Variants in OAF observed in about 807,000 individuals in gnomAD.
OAF encodes out at first homolog, also known as out at first protein homolog.
OAF carries 13 observed loss-of-function variants against 22.5 expected under a neutral mutation model. The ratio of observed to expected loss-of-function variants is 0.58; its 90% CI spans 0.38 to 0.92. OAF has a LOEUF of 0.92. Among genes scored for constraint, OAF ranks in the 40% least tolerant of loss-of-function variants. The pLI is 0.00. For synonymous variants in OAF, 175 were observed against 170.5 expected (o/e 1.03, Z -0.21); for missense variants, 347 against 381.8 (o/e 0.91, Z 0.76).
In OAF at chr11:120,229,372, G is replaced by C; in HGVS notation, c.*230G>C. The C allele has an allele frequency of 2.7e-5, 12 of 451,246 alleles. No individual in the cohort carries two copies. The highest frequency in any genetic ancestry group is 8.6e-5 in the Admixed American group (2 of 23,248). 28.0% of individuals were successfully genotyped at this position (451,246 alleles called of 1,614,324 possible). On this transcript the variant is annotated 3_prime_UTR_variant, in exon 4 of 4. Transcript: ENST00000328965. ...ACCCTGTGCCTTCCTTGCGGGCAGA[G>C]AGGGAGAGAAGGGCTCCCCAGATCT... is the stretch of plus-strand genomic sequence containing the variant.
At position 120,211,154 on chromosome 11, in the gene OAF, C is replaced by T; in HGVS notation, c.-126C>T. The T allele has an allele frequency of 2.6e-6, 1 of 391,316 alleles. No individual in the cohort carries two copies. The highest frequency in any genetic ancestry group is 6.2e-5 in the East Asian group (1 of 16,214). 24.2% of individuals were successfully genotyped at this position (391,316 alleles called of 1,614,324 possible). A position where few individuals can be genotyped will look rare whatever the true frequency, so the allele number is the denominator to read the frequency against. Reference sequence around the variant, plus strand: ...GCCACCTCGCGGGCGACCCCGCGGCCAAGGCCCCCGGCGGAGCGGCTCCCG... The same window carrying T: ...GCCACCTCGCGGGCGACCCCGCGGCTAAGGCCCCCGGCGGAGCGGCTCCCG... On this transcript the variant is annotated 5_prime_UTR_variant, in exon 1 of 4. Coordinates refer to ENST00000328965, the MANE Select transcript of OAF (RefSeq NM_178507.4).
At position 120,211,144 on chromosome 11, in the gene OAF, A is replaced by T. The variant is rs1333133385; in HGVS notation, c.-136A>T. The stretch of plus-strand genomic sequence containing the variant: ...GTGCGTCCGCGCCACCTCGCGGGCG[A>T]CCCCGCGGCCAAGGCCCCCGGCGGA... On this transcript the variant is annotated 5_prime_UTR_variant, in exon 1 of 4. Transcript: ENST00000328965. 4 of 330,760 alleles carry T rather than the reference A, an allele frequency of 1.2e-5. No homozygotes were observed. Among genetic ancestry groups the T allele is most frequent in the African/African-American group, 6.7e-5 (3 of 44,548 alleles). 20.5% of individuals were successfully genotyped at this position (330,760 alleles called of 1,614,324 possible).
Position 120,211,279 on chromosome 11 carries a change from G to A in OAF, c.-1G>A. On this transcript the variant is annotated 5_prime_UTR_variant, in exon 1 of 4. Transcript: ENST00000328965. The stretch of plus-strand genomic sequence containing the variant: ...GCCGCGGACGGCAGCGGCCCCCGGG[G>A]ATGCGCCTTCCCGGGGTACCCCTGG... The A allele has an allele frequency of 8.1e-7, 1 of 1,238,006 alleles. No individual in the cohort carries two copies. Among genetic ancestry groups the A allele is most frequent in the Non-Finnish European group, 1.0e-6 (1 of 990,282 alleles). 76.7% of individuals were successfully genotyped at this position (1,238,006 alleles called of 1,614,324 possible). A position where few individuals can be genotyped will look rare whatever the true frequency, so the allele number is the denominator to read the frequency against.
chr11:120,219,219 C>A (rs1462827121), intron 1 of OAF, among the ~76,000 whole-genome samples: 4 of 151,890 alleles, frequency 2.6e-5, no homozygotes, highest in Admixed American at 6.6e-5. Context: ...CAGATGCACC[C>A]CTGTGGAGGG....
chr11:120,227,873 C>A (rs1938382414), intron 3 of OAF, among the ~76,000 whole-genome samples: 1 of 152,108 alleles, frequency 6.6e-6, no homozygotes, highest in African/African-American at 2.4e-5. Flanking sequence ...TGGCCTGCAC[C>A]CCAGACTATG....
intron 1 of OAF, 106 bp downstream of exon 1, chr11:120,211,616 C>A: frequency 3.9e-6 from 3 of 775,180 alleles, no homozygotes; most frequent in Non-Finnish European, 5.6e-6. Flanking sequence ...GAGGGAGACG[C>A]AGCTGGCCCA....
intron 3 of OAF, among the ~76,000 whole-genome samples, chr11:120,228,011 CT>C (rs971889677): frequency 1.3e-5 from 2 of 152,154 alleles, no homozygotes; most frequent in African/African-American, 4.8e-5. Flanking sequence ...GATCCAAGCC[CT>C]GGCCACCCTG....
chr11:120,224,959 C>A (rs1414065643), intron 1 of OAF, among the ~76,000 whole-genome samples: 1 of 152,210 alleles, frequency 6.6e-6, no homozygotes, highest in Non-Finnish European at 1.5e-5. Context: ...TGCAGACCCC[C>A]CATTCACACA....
chr11:120,230,014 C>T lies in OAF; in HGVS notation c.*872C>T, dbSNP rs1938416778. On this transcript the variant is annotated 3_prime_UTR_variant, in exon 4 of 4. Coordinates refer to ENST00000328965, the MANE Select transcript of OAF (RefSeq NM_178507.4). ...CTGATGTCAGAAAGTGTCCCCACACCCTAGCAGTGGCCTATCTTGGAACAA... is the reference window on the plus strand; with the variant it reads ...CTGATGTCAGAAAGTGTCCCCACACTCTAGCAGTGGCCTATCTTGGAACAA... The T allele has an allele frequency of 2.0e-5, 3 of 152,196 alleles. No individual in the cohort carries two copies. The highest frequency in any genetic ancestry group is 7.2e-5 in the African/African-American group (3 of 41,420). The allele number at this position is 152,196 out of a possible 1,614,324, so 9.4% of individuals were successfully genotyped here.
chr11:120,223,124 C>G (rs1938304079), intron 1 of OAF, among the ~76,000 whole-genome samples: 1 of 152,202 alleles, frequency 6.6e-6, no homozygotes, highest in Admixed American at 6.5e-5. Context: ...GTCCTAATCC[C>G]ACCTCTGCTG....
chr11:120,226,628 A>C (rs1399897139), intron 2 of OAF, among the ~76,000 whole-genome samples, 188 bp from the exon 3 acceptor site: 1 of 152,236 alleles, frequency 6.6e-6, no homozygotes. Flanking sequence ...ATAGAGGCTG[A>C]AAAGGCTCGA....
At chr11:120,225,887 C>A in intron 2 of OAF, 92 bp downstream of exon 2, 1 of 1,152,128 alleles carries the variant, frequency 8.7e-7, no homozygotes. Flanking sequence ...CAGATCCTGA[C>A]CTGCAGACCC....
At chr11:120,222,462 C>T (rs907388766) in intron 1 of OAF, among the ~76,000 whole-genome samples, 4 of 150,446 alleles carry the variant, frequency 2.7e-5, no homozygotes, top group Non-Finnish European at 5.9e-5. Flanking sequence ...AGGCTGAGGC[C>T]GGAGAATTGC....
Position 120,225,860 on chromosome 11 carries a change from A to G in OAF, c.366+65A>G, listed in dbSNP as rs181859322. 25 of 1,463,378 alleles carry G rather than the reference A, an allele frequency of 1.7e-5. No individual in the cohort carries two copies. The African/African-American group carries it at 3.4e-4, about 20-fold the overall frequency. 90.6% of individuals were successfully genotyped at this position (1,463,378 alleles called of 1,614,324 possible). A position where few individuals can be genotyped will look rare whatever the true frequency, so the allele number is the denominator to read the frequency against. ...CCGCAGCAGACCCGGCCCAGATCCC[A>G]TCCCGCAGACCCGGCCCAGATCCTG... On this transcript the variant is annotated intron_variant, in intron 2 of 3. Coordinates refer to ENST00000328965, the MANE Select transcript of OAF (RefSeq NM_178507.4).
Position 120,229,238 on chromosome 11 carries a change from C to A in OAF, c.*96C>A. 1 of 1,118,118 alleles carries A rather than the reference C, an allele frequency of 8.9e-7. No individual in the cohort carries two copies. Among genetic ancestry groups the A allele is most frequent in the Non-Finnish European group, 1.3e-6 (1 of 769,904 alleles). 69.3% of individuals were successfully genotyped at this position (1,118,118 alleles called of 1,614,324 possible). The stretch of plus-strand genomic sequence containing the variant: ...CCCCCACCTGAGGCCTTATTTCCCT[C>A]CCTCCCCACTCCCCTGGCCCTAGAG... On this transcript the variant is annotated 3_prime_UTR_variant, in exon 4 of 4. Coordinates refer to ENST00000328965, the MANE Select transcript of OAF (RefSeq NM_178507.4).
intron 1 of OAF, chr11:120,217,101 G>GA (rs1938222206): frequency 2.0e-5 from 3 of 152,282 alleles, no homozygotes; most frequent in Admixed American, 1.3e-4. Flanking sequence ...AAGGAGGCTG[G>GA]AAAAAACCTT....
At chr11:120,225,615 A>G in intron 1 of OAF, 46 bp from the exon 2 acceptor site, 1 of 1,489,206 alleles carries the variant, frequency 6.7e-7, no homozygotes, top group Non-Finnish European at 8.9e-7. Context: ...GCCAGTGGGA[A>G]GGTCCCACAC....
At chr11:120,212,352 G>A (rs1938160870) in intron 1 of OAF, among the ~76,000 whole-genome samples, 1 of 151,986 alleles carries the variant, frequency 6.6e-6, no homozygotes, top group Non-Finnish European at 1.5e-5. Context: ...TGTGTTGGAG[G>A]GAATAAGAAG....
chr11:120,214,637 C>G (rs529005290), intron 1 of OAF, among the ~76,000 whole-genome samples: 1 of 152,330 alleles, frequency 6.6e-6, no homozygotes, highest in South Asian at 2.1e-4. Flanking sequence ...TGATTCCCAA[C>G]CCTATCCAGC....
Sources: gnomAD v4.1 joint callset for allele counts (sites outside exome capture counted in the v4.1 genomes callset) on GRCh38, gnomAD v4.1.1 for gene constraint, MANE v1.5 for transcripts, NCBI Gene and HGNC (gene_info 2026-07-23, HGNC 2026-07-21) for gene names.